The following OPTN variants were observed in gnomAD, a reference collection of about 807,000 sequenced individuals.
The protein encoded by OPTN is optineurin.
OPTN carries 54 observed loss-of-function variants against 70.4 expected under a neutral mutation model. That is an observed-to-expected ratio of 0.77 (90% confidence interval 0.62 to 0.96). The LOEUF is 0.96. OPTN is among the 40% of genes least tolerant of loss of function. OPTN has a pLI of 0.00. For synonymous variants in OPTN, 256 were observed against 248.5 expected (o/e 1.03, Z -0.28); for missense variants, 624 against 673.2 (o/e 0.93, Z 0.81).
chr10:13,124,466 T>A (rs1833418113), intron 9 of OPTN, among the ~76,000 whole-genome samples: 1 of 152,220 alleles, frequency 6.6e-6, no homozygotes, highest in South Asian at 2.1e-4. Context: ...AGCATAAAGA[T>A]CTTGAGTGAC....
intron 13 of OPTN, 29 bp downstream of exon 13, chr10:13,132,226 G>A: frequency 6.2e-7 from 1 of 1,608,806 alleles, no homozygotes; most frequent in Non-Finnish European, 8.5e-7. Flanking sequence ...AGGACCCAGA[G>A]CTCACATCAG....
chr10:13,121,527 A>AAAAAAG (rs1833351717), intron 7 of OPTN, among the ~76,000 whole-genome samples: 2 of 149,072 alleles, frequency 1.3e-5, no homozygotes, highest in African/African-American at 5.0e-5. Context: ...AAAAAAAAAA[A>AAAAAAG]GTGTTACATA....
At chr10:13,112,179 G>C (rs1323218237) in intron 4 of OPTN, among the ~76,000 whole-genome samples, 2 of 147,876 alleles carry the variant, frequency 1.4e-5, no homozygotes, top group Non-Finnish European at 3.0e-5. Context: ...TTGAGACAGG[G>C]TCTTGGCAGT....
intron 14 of OPTN, among the ~76,000 whole-genome samples, chr10:13,136,188 C>CA (rs1405835393): frequency 4.1e-5 from 6 of 147,950 alleles, no homozygotes; most frequent in South Asian, 2.2e-4. Flanking sequence ...CTCCATCTGT[C>CA]AAGAAAAAAA....
At chr10:13,104,286 G>T (rs182360887) in intron 1 of OPTN, among the ~76,000 whole-genome samples, 1 of 124,174 alleles carries the variant, frequency 8.1e-6, no homozygotes, top group African/African-American at 3.0e-5. Flanking sequence ...GTGAGACAGG[G>T]TCTCACTCTG....
At chr10:13,108,922 A>ACACG in intron 2 of OPTN, 190 bp from the exon 3 acceptor site, 1 of 641,606 alleles carries the variant, frequency 1.6e-6, no homozygotes, top group Non-Finnish European at 2.8e-6. Context: ...ACACACACAC[A>ACACG]CACTTTTCTG....
At position 13,104,948 on chromosome 10, in the gene OPTN, G is replaced by T. The variant is rs192981827; in HGVS notation, c.-163-3190G>T. Among the ~76,000 whole-genome samples the T allele has an allele frequency of 4.6e-3, 696 of 151,552 alleles. 2 individuals are homozygous for T. Among genetic ancestry groups the T allele is most frequent in the African/African-American group, 0.016 (680 of 41,262 alleles). On this transcript the variant is annotated intron_variant, in intron 1 of 14. Coordinates refer to ENST00000378747, the MANE Select transcript of OPTN (RefSeq NM_001008212.2). The stretch of plus-strand genomic sequence containing the variant: ...GGCTGCTGGTGGTAACTACGCCGAC[G>T]TGCGAGCTCTGCTACTAATTTATGT...
At chr10:13,111,844 GTTTTTTTT>G (rs34942122) in intron 4 of OPTN, among the ~76,000 whole-genome samples, 1 of 87,730 alleles carries the variant, frequency 1.1e-5, no homozygotes, top group South Asian at 4.2e-4. Context: ...TTTTTTGACT[GTTTTTTTT>G]TTTTTTTTTT....
intron 7 of OPTN, 110 bp from the exon 8 acceptor site, chr10:13,122,275 G>A: frequency 1.3e-6 from 1 of 769,246 alleles, no homozygotes. Flanking sequence ...GAAAACCCCT[G>A]ATCCTTTATC....
intron 5 of OPTN, 64 bp downstream of exon 5, chr10:13,112,699 A>C: frequency 6.8e-7 from 1 of 1,476,214 alleles, no homozygotes; most frequent in South Asian, 1.1e-5. Context: ...AAGATGAAAC[A>C]AATACCACTT....
intron 2 of OPTN, chr10:13,108,861 T>C (rs972684610): frequency 2.2e-6 from 1 of 464,072 alleles, no homozygotes; most frequent in Non-Finnish European, 4.0e-6. Context: ...TGTACCCTTT[T>C]ATACACCCAT....
intron 5 of OPTN, 74 bp from the exon 6 acceptor site, chr10:13,116,193 C>G (rs1833203775): frequency 9.5e-7 from 1 of 1,048,988 alleles, no homozygotes; most frequent in Non-Finnish European, 1.5e-6. Context: ...CATCTTTTGT[C>G]TTTTTCTTCT....
rs1054706838 is a variant in OPTN at position 13,131,943 on chromosome 10, G to T, written c.1402-124G>T. The T allele has an allele frequency of 8.9e-6, 8 of 898,316 alleles. No individual in the cohort carries two copies. The African/African-American group carries it at 1.2e-4, about 13-fold the overall frequency. The allele number at this position is 898,316 out of a possible 1,614,324, so 55.6% of individuals were successfully genotyped here. A position where few individuals can be genotyped will look rare whatever the true frequency, so the allele number is the denominator to read the frequency against. ...TGGTCATTATACTGTTTTCTAGCAG[G>T]ATTGTGCATCTGTGATTCACAAGGG... is the stretch of plus-strand genomic sequence containing the variant. On this transcript the variant is annotated intron_variant, in intron 12 of 14. Transcript: ENST00000378747.
chr10:13,125,452 C>T lies in OPTN; in HGVS notation c.1033C>T (p.Pro345Ser), dbSNP rs774621464. ...QALERKNSAIPSELNEKQELV... is the reference protein window; with the variant it reads ...QALERKNSAISSELNEKQELV... ...CCTTGAAAGGAAAAATTCTGCAATT[C>T]CATCAGAGTTGAATGAAAAGCAAGA... Residue 345 changes from proline (P) to serine (S), a missense_variant, in exon 10 of 15, where the codon CCA (proline) becomes TCA (serine). By Grantham distance (74) the Pro-to-Ser change is moderately conservative (BLOSUM62 -1). Coordinates refer to ENST00000378747, the MANE Select transcript of OPTN (RefSeq NM_001008212.2). 6.2e-7 allele frequency: 1 copy of T among 1,613,914 alleles called. No homozygotes were observed. The highest frequency in any genetic ancestry group is 8.5e-7 in the Non-Finnish European group (1 of 1,179,998).
intron 11 of OPTN, 52 bp downstream of exon 11, chr10:13,126,091 T>G (rs1338739760): frequency 9.3e-7 from 1 of 1,070,472 alleles, no homozygotes; most frequent in Admixed American, 1.7e-5. Context: ...CAGAAACTGT[T>G]GAACGTTTTG....
intron 1 of OPTN, among the ~76,000 whole-genome samples, chr10:13,106,678 T>C (rs1160816901): frequency 6.6e-6 from 1 of 152,206 alleles, no homozygotes; most frequent in African/African-American, 2.4e-5. Context: ...CAGGTATTGC[T>C]TCCAGAAGAT....
At chr10:13,115,209 T>TTATATATATATTTATATATAGATA (rs1564359425) in intron 5 of OPTN, among the ~76,000 whole-genome samples, 1 of 57,158 alleles carries the variant, frequency 1.7e-5, no homozygotes, top group African/African-American at 6.6e-5. Flanking sequence ...ATATCTATAT[T>TTATATATATATTTATATATAGATA]TATATATATA....
At chr10:13,115,464 A>T (rs191664201) in intron 5 of OPTN, among the ~76,000 whole-genome samples, 2,338 of 99,152 alleles carry the variant, frequency 0.024, 177 homozygotes, top group African/African-American at 0.11. Flanking sequence ...ATATTATATA[A>T]TATAGAATAT....
At chr10:13,102,450 G>C (rs1832771221) in intron 1 of OPTN, among the ~76,000 whole-genome samples, 1 of 152,228 alleles carries the variant, frequency 6.6e-6, no homozygotes, top group African/African-American at 2.4e-5. Context: ...CATTTAGGAG[G>C]CTGTTAAAAT....
Sources: allele counts gnomAD v4.1 joint callset (sites outside exome capture counted in the v4.1 genomes callset), GRCh38; gene constraint gnomAD v4.1.1; transcripts MANE v1.5; gene names NCBI Gene and HGNC (gene_info 2026-07-23, HGNC 2026-07-21).